GAN: variants seen among roughly 807,000 people sequenced by gnomAD.
The protein encoded by GAN is epididymis secretory sperm binding protein.
In GAN, 48 loss-of-function variants were observed where a neutral mutation model predicts 71.3. That is an observed-to-expected ratio of 0.67 (90% CI 0.53 to 0.86). GAN has a LOEUF of 0.86. GAN is among the 40% of genes least tolerant of loss of function. The pLI, the probability that GAN is intolerant of heterozygous loss-of-function variation, is 0.00. For missense variants in GAN, 928 were observed against 770.1 expected, an observed-to-expected ratio of 1.21 and a Z score of -2.43; for synonymous variants, 386 against 276.8, an observed-to-expected ratio of 1.39 and a Z score of -3.92.
chr16:81,317,174 C>G (rs1456131441), intron 1 of GAN, among the ~76,000 whole-genome samples: 1 of 152,204 alleles, frequency 6.6e-6, no homozygotes, highest in Non-Finnish European at 1.5e-5. Context: ...CTTTTATTCA[C>G]TGCTTTACTC....
intron 1 of GAN, among the ~76,000 whole-genome samples, chr16:81,329,399 G>T (rs567921064): frequency 3.3e-5 from 5 of 152,152 alleles, no homozygotes; most frequent in Middle Eastern, 3.4e-3. Context: ...TGGAAAAAAA[G>T]AAAAAAAGTA....
At chr16:81,323,415 T>C (rs1361109308) in intron 1 of GAN, among the ~76,000 whole-genome samples, 1 of 152,208 alleles carries the variant, frequency 6.6e-6, no homozygotes, top group African/African-American at 2.4e-5. Flanking sequence ...TAGGCTTCTT[T>C]CATAGTGATC....
rs1904311724 is a variant in GAN at position 81,382,714 on chromosome 16, C to T, written c.*5118C>T. ...GATAACACAGACTTGGATTGAGTGT[C>T]TGTCATGCCTGCTGGCAGTTAAGTC... is the stretch of plus-strand genomic sequence containing the variant. On this transcript the variant is annotated 3_prime_UTR_variant, in exon 11 of 11. Transcript: ENST00000648994. 6.6e-6 allele frequency: 1 copy of T among 152,170 alleles called. No individual in the cohort carries two copies. The highest frequency in any genetic ancestry group is 6.5e-5 in the Admixed American group (1 of 15,272). The allele number at this position is 152,170 out of a possible 1,614,324, so 9.4% of individuals were successfully genotyped here.
chr16:81,354,817 G>C, intron 3 of GAN, 62 bp downstream of exon 3: 1 of 966,268 alleles, frequency 1.0e-6, no homozygotes, highest in South Asian at 1.4e-5. Context: ...TCAAATTTTA[G>C]TTGTTTTATT....
rs557296616 is a variant in GAN, at chr16:81,363,673, G to C, written c.1087-121G>C. The stretch of plus-strand genomic sequence containing the variant: ...TCCTCTCCCTGTCTCCTTGCTCTAG[G>C]AGTCCCCATTGTCTATTTTTGCCAT... On this transcript the variant is annotated intron_variant, in intron 6 of 10. Coordinates refer to ENST00000648994, the MANE Select transcript of GAN (RefSeq NM_022041.4). The C allele has an allele frequency of 2.6e-5, 24 of 930,950 alleles. No individual in the cohort carries two copies. Among genetic ancestry groups the C allele is most frequent in the Non-Finnish European group, 3.9e-5 (22 of 570,942 alleles). 57.7% of individuals were successfully genotyped at this position (930,950 alleles called of 1,614,324 possible).
At chr16:81,328,442 A>T (rs1909460097) in intron 1 of GAN, among the ~76,000 whole-genome samples, 1 of 152,212 alleles carries the variant, frequency 6.6e-6, no homozygotes, top group African/African-American at 2.4e-5. Context: ...TTTGCCATTT[A>T]ATTTGCAGGC....
chr16:81,318,099 T>C (rs1377286411), intron 1 of GAN, among the ~76,000 whole-genome samples: 2 of 152,218 alleles, frequency 1.3e-5, no homozygotes. Flanking sequence ...ACCAATAATA[T>C]TGGGCTTTTA....
chr16:81,362,913 C>G (rs1567495047), intron 6 of GAN, among the ~76,000 whole-genome samples: 1 of 152,228 alleles, frequency 6.6e-6, no homozygotes, highest in Non-Finnish European at 1.5e-5. Context: ...GCGGGCCTCC[C>G]TCCTGCCTCT....
chr16:81,350,361 A>T (rs1439368011), intron 1 of GAN, among the ~76,000 whole-genome samples: 2 of 152,214 alleles, frequency 1.3e-5, no homozygotes, highest in African/African-American at 4.8e-5. Flanking sequence ...GACAGATTCA[A>T]ATGTTGTAGA....
intron 1 of GAN, among the ~76,000 whole-genome samples, chr16:81,316,983 C>G (rs950676597): frequency 6.6e-6 from 1 of 152,128 alleles, no homozygotes; most frequent in African/African-American, 2.4e-5. Flanking sequence ...CTCAGCCTCC[C>G]GAGTAGCTGG....
chr16:81,333,789 C>A (rs1909665599), intron 1 of GAN, among the ~76,000 whole-genome samples: 1 of 152,206 alleles, frequency 6.6e-6, no homozygotes, highest in Admixed American at 6.5e-5. Context: ...CACCACCTAT[C>A]CACCAATCCA....
At chr16:81,359,722 G>C (rs1435898870) in intron 5 of GAN, among the ~76,000 whole-genome samples, 1 of 152,124 alleles carries the variant, frequency 6.6e-6, no homozygotes, top group East Asian at 1.9e-4. Flanking sequence ...GGTTGTCTGA[G>C]ACCACAGATA....
At chr16:81,341,745 C>G (rs561623861) in intron 1 of GAN, among the ~76,000 whole-genome samples, 44 of 152,288 alleles carry the variant, frequency 2.9e-4, no homozygotes, top group African/African-American at 9.1e-4. Context: ...AAATAACCAG[C>G]TAGCATCATA....
Position 81,386,305 on chromosome 16 carries a change from A to G in GAN, c.*8709A>G, listed in dbSNP as rs1372617308. The stretch of plus-strand genomic sequence containing the variant: ...AATCTGTATTGGTCAAAGAAACGAG[A>G]TAATTCCTAGATCTCTGTTTTAGAC... On this transcript the variant is annotated 3_prime_UTR_variant, in exon 11 of 11. Transcript: ENST00000648994. 1 of 152,196 alleles carries G rather than the reference A, an allele frequency of 6.6e-6. No individual in the cohort carries two copies. The highest frequency in any genetic ancestry group is 1.9e-4 in the East Asian group (1 of 5,196). 9.4% of individuals were successfully genotyped at this position (152,196 alleles called of 1,614,324 possible).
intron 5 of GAN, among the ~76,000 whole-genome samples, chr16:81,359,484 T>G (rs1480882045): frequency 6.6e-6 from 1 of 152,086 alleles, no homozygotes; most frequent in African/African-American, 2.4e-5. Flanking sequence ...TCTACCAGTT[T>G]GGGACTTACA....
Position 81,388,686 on chromosome 16 carries a change from C to CGCAGA in GAN, c.*11093_*11097dup, listed in dbSNP as rs906838001. The CGCAGA allele has an allele frequency of 1.3e-5, 2 of 152,402 alleles. No homozygotes were observed. The highest frequency in any genetic ancestry group is 4.8e-5 in the African/African-American group (2 of 41,480). The allele number at this position is 152,402 out of a possible 1,614,324, so 9.4% of individuals were successfully genotyped here. A position where few individuals can be genotyped will look rare whatever the true frequency, so the allele number is the denominator to read the frequency against. On this transcript the variant is annotated 3_prime_UTR_variant, in exon 11 of 11. Transcript: ENST00000648994. ...TGACAGGCCCTCTGCCATGTCTGTC[C>CGCAGA]GCAGAGCCGGGTGGGGACCCTCCGT... is the stretch of plus-strand genomic sequence containing the variant.
rs1429310425 is a variant in GAN, at chr16:81,379,283, G to C, written c.*1687G>C. 1 of 152,104 alleles carries C rather than the reference G, an allele frequency of 6.6e-6. No homozygotes were observed. The highest frequency in any genetic ancestry group is 1.5e-5 in the Non-Finnish European group (1 of 68,028). 9.4% of individuals were successfully genotyped at this position (152,104 alleles called of 1,614,324 possible). A position where few individuals can be genotyped will look rare whatever the true frequency, so the allele number is the denominator to read the frequency against. Reference sequence around the variant, plus strand: ...TATACCTGCTGGAAGTCAGTACAATGCGTCAAAAGTTGCTGAAAGATGCTG... The same window carrying C: ...TATACCTGCTGGAAGTCAGTACAATCCGTCAAAAGTTGCTGAAAGATGCTG... On this transcript the variant is annotated 3_prime_UTR_variant, in exon 11 of 11. Coordinates refer to ENST00000648994, the MANE Select transcript of GAN (RefSeq NM_022041.4).
chr16:81,371,479 T>C (rs1349026852), intron 9 of GAN, among the ~76,000 whole-genome samples: 1 of 152,226 alleles, frequency 6.6e-6, no homozygotes, highest in Non-Finnish European at 1.5e-5. Flanking sequence ...AGCAATTGAC[T>C]TGGTTAGACT....
At chr16:81,328,360 G>A (rs927057866) in intron 1 of GAN, among the ~76,000 whole-genome samples, 11 of 152,130 alleles carry the variant, frequency 7.2e-5, no homozygotes, top group African/African-American at 2.7e-4. Context: ...AATGCCCATA[G>A]TTGTCATTTT....
Sources: gnomAD v4.1 joint callset for allele counts (sites outside exome capture counted in the v4.1 genomes callset) on GRCh38, gnomAD v4.1.1 for gene constraint, MANE v1.5 for transcripts, NCBI Gene and HGNC (gene_info 2026-07-23, HGNC 2026-07-21) for gene names.